SAMMSON: variants seen among roughly 807,000 people sequenced by gnomAD.
SAMMSON encodes survival associated mitochondrial melanoma specific oncogenic non-coding RNA.
At chr3:70,013,742 G>A (rs375328953) in intron 3 of SAMMSON, 8 of 152,208 alleles carry the variant, frequency 5.3e-5, no homozygotes, top group African/African-American at 1.9e-4. Flanking sequence ...TGCAAATTTT[G>A]CATGAATTTT....
chr3:70,214,973 C>A (rs942221622), intron 4 of SAMMSON, among the ~76,000 whole-genome samples: 1 of 152,060 alleles, frequency 6.6e-6, no homozygotes, highest in African/African-American at 2.4e-5. Context: ...GCCAATCAGG[C>A]TATAAACTCA....
chr3:70,286,995 G>A (rs183470379), intron 6 of SAMMSON, among the ~76,000 whole-genome samples: 87 of 149,502 alleles, frequency 5.8e-4, no homozygotes, highest in African/African-American at 9.2e-4. Context: ...AAATCATGTC[G>A]TCTGCAAACA....
chr3:70,128,540 G>A (rs1473164153), intron 4 of SAMMSON, among the ~76,000 whole-genome samples: 1 of 152,140 alleles, frequency 6.6e-6, no homozygotes, highest in Non-Finnish European at 1.5e-5. Flanking sequence ...TTGAAATACG[G>A]ACTCTCATGA....
At chr3:70,337,691 A>T (rs1433135125) in intron 7 of SAMMSON, among the ~76,000 whole-genome samples, 1 of 152,024 alleles carries the variant, frequency 6.6e-6, no homozygotes, top group Non-Finnish European at 1.5e-5. Flanking sequence ...CTTAAATAAT[A>T]ATAGAGCATT....
At chr3:70,143,299 A>T (rs1438952899) in intron 4 of SAMMSON, among the ~76,000 whole-genome samples, 2 of 64,190 alleles carry the variant, frequency 3.1e-5, no homozygotes, top group Admixed American at 1.5e-4. Context: ...GAATTTTAGT[A>T]AAAAAAAAAA....
At chr3:70,237,442 C>T (rs759398679) in intron 4 of SAMMSON, among the ~76,000 whole-genome samples, 4 of 152,120 alleles carry the variant, frequency 2.6e-5, no homozygotes, top group Admixed American at 6.6e-5. Context: ...CTTTCTTTTC[C>T]GATTCCTTTC....
chr3:70,402,928 T>C (rs1701152324), intron 2 of SAMMSON, among the ~76,000 whole-genome samples: 2 of 152,008 alleles, frequency 1.3e-5, no homozygotes, highest in African/African-American at 4.8e-5. Context: ...ACCACATATG[T>C]GTGTATATAT....
At chr3:70,099,041 G>T (rs1049032572) in intron 4 of SAMMSON, among the ~76,000 whole-genome samples, 2 of 152,104 alleles carry the variant, frequency 1.3e-5, no homozygotes, top group Admixed American at 6.5e-5. Context: ...CCTTTGATAT[G>T]TAAGGCTCTA....
chr3:70,336,814 TTGTGTGTGTGTG>T (rs71126494), intron 7 of SAMMSON, among the ~76,000 whole-genome samples: 1,810 of 126,660 alleles, frequency 0.014, 31 homozygotes, highest in African/African-American at 0.05. Flanking sequence ...AATAGAAAGT[TTGTGTGTGTGTG>T]TGTGTGTGTG....
At chr3:70,037,189 G>T (rs1204515457) in intron 3 of SAMMSON, among the ~76,000 whole-genome samples, 1 of 151,890 alleles carries the variant, frequency 6.6e-6, no homozygotes, top group African/African-American at 2.4e-5. Flanking sequence ...CTCCTTAAGG[G>T]AACAGCAAAC....
intron 6 of SAMMSON, among the ~76,000 whole-genome samples, chr3:70,268,474 C>A (rs1161461772): frequency 6.2e-4 from 60 of 96,584 alleles, no homozygotes; most frequent in South Asian, 3.0e-3. Context: ...GACTCCGTCT[C>A]AAAAAAAAAA....
At chr3:70,415,321 C>T (rs1701255312) in intron 2 of SAMMSON, among the ~76,000 whole-genome samples, 1 of 152,038 alleles carries the variant, frequency 6.6e-6, no homozygotes, top group African/African-American at 2.4e-5. Context: ...TGTTTAGAAG[C>T]TTGCTTTTCC....
intron 4 of SAMMSON, chr3:70,184,100 A>C (rs181837415): frequency 2.6e-5 from 4 of 152,350 alleles, no homozygotes; most frequent in East Asian, 1.9e-4. Flanking sequence ...TCCGAAAAAC[A>C]ATCTTGTGTA....
chr3:70,383,055 G>A (rs1351071767), intron 9 of SAMMSON, among the ~76,000 whole-genome samples: 1 of 151,984 alleles, frequency 6.6e-6, no homozygotes, highest in East Asian at 1.9e-4. Context: ...CCACACTCAT[G>A]CTCTCATAGG....
At chr3:70,137,035 C>G (rs1297376094) in intron 4 of SAMMSON, among the ~76,000 whole-genome samples, 1 of 152,116 alleles carries the variant, frequency 6.6e-6, no homozygotes, top group African/African-American at 2.4e-5. Context: ...ATCCAGGAAA[C>G]CCATAGACAC....
chr3:70,245,741 CCT>C (rs1391119738), intron 4 of SAMMSON, among the ~76,000 whole-genome samples: 1 of 109,016 alleles, frequency 9.2e-6, no homozygotes, highest in Admixed American at 1.2e-4. Flanking sequence ...AATAAAGCTC[CCT>C]GAGTTATGTA....
intron 6 of SAMMSON, among the ~76,000 whole-genome samples, chr3:70,266,899 C>T (rs953819302): frequency 3.3e-5 from 5 of 152,208 alleles, no homozygotes; most frequent in Non-Finnish European, 7.3e-5. Flanking sequence ...CCACTGCCTG[C>T]CACAGAAGGC....
chr3:70,096,356 C>A (rs1352461139), intron 4 of SAMMSON, among the ~76,000 whole-genome samples: 1 of 152,110 alleles, frequency 6.6e-6, no homozygotes, highest in Admixed American at 6.5e-5. Context: ...CCAGCCTGGG[C>A]AACATACTGG....
At chr3:70,163,625 G>A (rs2067625276) in intron 4 of SAMMSON, among the ~76,000 whole-genome samples, 1 of 151,724 alleles carries the variant, frequency 6.6e-6, no homozygotes, top group African/African-American at 2.4e-5. Context: ...TAAAGACCTT[G>A]GGCAAAAGAA....
Sources: allele counts gnomAD v4.1 joint callset (sites outside exome capture counted in the v4.1 genomes callset), GRCh38; gene constraint gnomAD v4.1.1; transcripts MANE v1.5; gene names NCBI Gene and HGNC (gene_info 2026-07-23, HGNC 2026-07-21).